RNF115: variants seen among roughly 807,000 people sequenced by gnomAD.
RNF115 encodes the protein E3 ubiquitin-protein ligase RNF115.
A neutral mutation model predicts 39.2 loss-of-function variants in RNF115; 31 were observed. That is an observed-to-expected ratio of 0.79 (90% CI 0.59 to 1.07). The LOEUF is 1.07. Among genes scored for constraint, RNF115 ranks in the 50% least tolerant of loss-of-function variants. The pLI is 0.00. For synonymous variants in RNF115, 124 were observed against 131.0 expected, an observed-to-expected ratio of 0.95 and a Z score of 0.37; for missense variants, 384 against 381.7, an observed-to-expected ratio of 1.01 and a Z score of -0.05.
chr1:145,814,486 G>C (rs1405175650), intron 1 of RNF115, among the ~76,000 whole-genome samples: 3 of 151,878 alleles, frequency 2.0e-5, no homozygotes, highest in Admixed American at 1.3e-4. Context: ...GGGAGGCTGA[G>C]GCAGGAGAAT....
chr1:145,816,124 A>G (rs1649985858), intron 1 of RNF115, among the ~76,000 whole-genome samples: 1 of 30,628 alleles, frequency 3.3e-5, no homozygotes, highest in Non-Finnish European at 5.0e-5. Flanking sequence ...CAATGGCACG[A>G]TCTCAGCTCA....
At chr1:145,781,993 T>C (rs889380438) in intron 3 of RNF115, among the ~76,000 whole-genome samples, 5 of 151,334 alleles carry the variant, frequency 3.3e-5, no homozygotes, top group Non-Finnish European at 7.4e-5. Context: ...ACCTCCGCCT[T>C]CTGGGTTCAA....
chr1:145,765,551 ATC>A (rs1647221930), intron 4 of RNF115, among the ~76,000 whole-genome samples: 1 of 152,226 alleles, frequency 6.6e-6, no homozygotes, highest in Non-Finnish European at 1.5e-5. Context: ...CTAAACAACC[ATC>A]TGATTGCTTT....
chr1:145,751,506 C>T lies in RNF115; in HGVS notation c.505G>A (p.Gly169Arg), dbSNP rs782644559. 8.8e-6 allele frequency: 14 copies of T among 1,594,466 alleles called. No individual in the cohort carries two copies. The highest frequency in any genetic ancestry group is 1.1e-5 in the South Asian group (1 of 87,864). Residue 169 changes from glycine to arginine, a missense_variant, in exon 6 of 9, where the codon GGG becomes AGG. Transcript: ENST00000582693. ...TCCCCAGGGTTGGAGTGCAGCATCC[C>T]GCTCCTATACGTGAGATGAGATAGA... The part of the protein sequence containing the change: ...PGSPHPFSWS[G>R]MLHSNPGDYA...
chr1:145,746,756 T>G lies in RNF115; in HGVS notation c.*110A>C. On this transcript the variant is annotated 3_prime_UTR_variant, in exon 9 of 9. Coordinates refer to ENST00000582693, the MANE Select transcript of RNF115 (RefSeq NM_014455.4). ...ACATTCATTGCATTTATATTATGTG[T>G]TGAGTTTCTTACATATTCCTAAATC... The G allele has an allele frequency of 9.7e-7, 1 of 1,034,652 alleles. No homozygotes were observed. The highest frequency in any genetic ancestry group is 1.8e-5 in the South Asian group (1 of 56,426). 64.1% of individuals were successfully genotyped at this position (1,034,652 alleles called of 1,614,324 possible). A position where few individuals can be genotyped will look rare whatever the true frequency, so the allele number is the denominator to read the frequency against.
chr1:145,821,907 C>G (rs1265761408), intron 1 of RNF115, among the ~76,000 whole-genome samples: 2 of 116,252 alleles, frequency 1.7e-5, no homozygotes, highest in Non-Finnish European at 3.5e-5. Flanking sequence ...GACTCCCTCT[C>G]TATGGTAGAA....
intron 4 of RNF115, among the ~76,000 whole-genome samples, chr1:145,764,051 T>C (rs1185657271): frequency 3.9e-5 from 6 of 152,156 alleles, no homozygotes; most frequent in African/African-American, 1.2e-4. Context: ...GTGCCTGCTA[T>C]TGCAGGCGCG....
At chr1:145,797,576 C>T in intron 1 of RNF115, among the ~76,000 whole-genome samples, 1 of 152,302 alleles carries the variant, frequency 6.6e-6, no homozygotes. Flanking sequence ...GTTTTCACCT[C>T]TTAGCTATCC....
chr1:145,800,217 G>C (rs587753446), intron 1 of RNF115, among the ~76,000 whole-genome samples: 2 of 152,340 alleles, frequency 1.3e-5, no homozygotes, highest in East Asian at 3.9e-4. Flanking sequence ...TGTTACATTA[G>C]AGAATTAAGG....
intron 4 of RNF115, among the ~76,000 whole-genome samples, chr1:145,764,449 G>A (rs180771231): frequency 1.3e-5 from 2 of 151,008 alleles, no homozygotes; most frequent in African/African-American, 4.9e-5. Context: ...CGGCCCCACC[G>A]CCCTGTCTGG....
rs781900778 is a variant in RNF115, at chr1:145,771,772, A to G, written c.367T>C (p.Leu123=). The part of the protein sequence containing the change: ...FWGARPPRLP[L]GRRYRSRGSS... Reference sequence around the variant, plus strand: ...CCTCGAGATCTGTATCTCCGACCCAATGGCAACCGTGGAGGTCTTGCTCCC... The same window carrying G: ...CCTCGAGATCTGTATCTCCGACCCAGTGGCAACCGTGGAGGTCTTGCTCCC... The change falls in exon 4 of 9, where the codon TTG becomes CTG. Residue 123 remains leucine (L), a synonymous_variant. Coordinates refer to ENST00000582693, the MANE Select transcript of RNF115 (RefSeq NM_014455.4). The G allele has an allele frequency of 4.3e-6, 7 of 1,614,054 alleles. No individual in the cohort carries two copies. In the Admixed American group the frequency reaches 5.0e-5, roughly 12 times the overall value.
chr1:145,787,033 T>G, intron 2 of RNF115: 1 of 1,275,394 alleles, frequency 7.8e-7, no homozygotes, highest in African/African-American at 1.5e-5. Context: ...TAGTTTTTCC[T>G]GGTTGTGGAA....
At chr1:145,795,767 C>T (rs1038058112) in intron 1 of RNF115, among the ~76,000 whole-genome samples, 14 of 152,066 alleles carry the variant, frequency 9.2e-5, no homozygotes, top group South Asian at 2.1e-4. Context: ...CATTTATAAG[C>T]GACAATAAAA....
intron 4 of RNF115, among the ~76,000 whole-genome samples, chr1:145,766,235 G>A (rs1400470512): frequency 2.6e-5 from 4 of 152,250 alleles, no homozygotes; most frequent in East Asian, 1.9e-4. Flanking sequence ...GTTTAACAAA[G>A]CACATCTTGC....
chr1:145,806,860 C>A lies in RNF115; in HGVS notation c.102+16912G>T, dbSNP rs181465742. Among the ~76,000 whole-genome samples the A allele has an allele frequency of 4.3e-3, 648 of 152,330 alleles. 3 individuals carry two copies. Among genetic ancestry groups the A allele is most frequent in the Middle Eastern group, 0.017 (5 of 294 alleles). ...TTTTTCTGTCGCCCAGGCTGGAGTG[C>A]AGTGGCAGGATCTCGGCTCACTGCA... On this transcript the variant is annotated intron_variant, in intron 1 of 8. Coordinates refer to ENST00000582693, the MANE Select transcript of RNF115 (RefSeq NM_014455.4).
chr1:145,811,355 CAAAAAAAAAAAAA>C (rs71829191), intron 1 of RNF115, among the ~76,000 whole-genome samples: 1 of 60,456 alleles, frequency 1.7e-5, no homozygotes, highest in Non-Finnish European at 2.9e-5. Flanking sequence ...CCATCACTAC[CAAAAAAAAAAAAA>C]AAAAAAAGAA....
At position 145,751,516 on chromosome 1, in the gene RNF115, C is replaced by T. The variant is rs782652770; in HGVS notation, c.501-6G>A. 1.7e-5 allele frequency: 27 copies of T among 1,589,802 alleles called. No homozygotes were observed. The highest frequency in any genetic ancestry group is 9.0e-5 in the East Asian group (4 of 44,262). On this transcript the variant is annotated splice_region_variant and splice_polypyrimidine_tract_variant and intron_variant, in intron 5 of 8. Coordinates refer to ENST00000582693, the MANE Select transcript of RNF115 (RefSeq NM_014455.4). ...TGGAGTGCAGCATCCCGCTCCTATACGTGAGATGAGATAGACAGCATTAGA... is the reference window on the plus strand; with the variant it reads ...TGGAGTGCAGCATCCCGCTCCTATATGTGAGATGAGATAGACAGCATTAGA...
At chr1:145,794,500 T>C (rs994457029) in intron 1 of RNF115, among the ~76,000 whole-genome samples, 3 of 135,240 alleles carry the variant, frequency 2.2e-5, no homozygotes, top group South Asian at 2.4e-4. Context: ...TCTAATCTCT[T>C]TCTTTTTTTT....
intron 4 of RNF115, among the ~76,000 whole-genome samples, chr1:145,766,302 G>A (rs587722441): frequency 7.2e-4 from 109 of 152,296 alleles, no homozygotes; most frequent in African/African-American, 2.5e-3. Flanking sequence ...AGAGAGCACA[G>A]GGTTGGGGGT....
Sources: allele counts gnomAD v4.1 joint callset (sites outside exome capture counted in the v4.1 genomes callset), GRCh38; gene constraint gnomAD v4.1.1; transcripts MANE v1.5; gene names NCBI Gene and HGNC (gene_info 2026-07-23, HGNC 2026-07-21).